The following KIF14 variants were observed in gnomAD, a reference collection of about 807,000 sequenced individuals.
KIF14 encodes the protein kinesin family member 14.
A neutral mutation model predicts 176.2 loss-of-function variants in KIF14; 98 were observed. The ratio of observed to expected loss-of-function variants is 0.56; its 90% CI spans 0.47 to 0.66. The LOEUF (loss-of-function observed/expected upper bound fraction) is 0.66. Among genes scored for constraint, KIF14 ranks in the 30% least tolerant of loss-of-function variants. The pLI, the probability that KIF14 is intolerant of heterozygous loss-of-function variation, is 0.00. For missense variants in KIF14, 1,751 were observed against 1,920.4 expected, an observed-to-expected ratio of 0.91 and a Z score of 1.65; for synonymous variants, 566 against 632.2, an observed-to-expected ratio of 0.90 and a Z score of 1.57.
chr1:200,555,379 C>A lies in KIF14; in HGVS notation c.4428+1G>T. 6.5e-7 allele frequency: 1 copy of A among 1,546,164 alleles called. No homozygotes were observed. The highest frequency in any genetic ancestry group is 8.8e-7 in the Non-Finnish European group (1 of 1,137,730). ...TAAAATCAATTTAAAGCTTCTCTTA[C>A]AATTTTCGATTCAGCAAAGATGTTT... On this transcript the variant is annotated splice_donor_variant, in intron 28 of 29. Coordinates refer to ENST00000367350, the MANE Select transcript of KIF14 (RefSeq NM_014875.3). LOFTEE classifies it high-confidence loss of function.
chr1:200,601,896 C>T lies in KIF14; in HGVS notation c.2152G>A (p.Glu718Lys), dbSNP rs752832850. The T allele has an allele frequency of 6.3e-7, 1 of 1,599,504 alleles. No individual in the cohort carries two copies. The highest frequency in any genetic ancestry group is 1.1e-5 in the South Asian group (1 of 88,350). Residue 718 changes from glutamate to lysine, a missense_variant and splice_region_variant, in exon 11 of 30, where the codon GAA becomes AAA. By Grantham distance (56) the Glu-to-Lys change is moderately conservative. Coordinates refer to ENST00000367350, the MANE Select transcript of KIF14 (RefSeq NM_014875.3). Reference sequence around the variant, plus strand: ...TTTTAAATTCTGAGAAAATATTCACCTCTAATTAACTTAGCGTTCATATCT... The same window carrying T: ...TTTTAAATTCTGAGAAAATATTCACTTCTAATTAACTTAGCGTTCATATCT... ...NEDMNAKLIR[E>K]LKAEIAKLKA...
In KIF14 at chr1:200,601,930, TTTAG is replaced by T; in HGVS notation, c.2114_2117del (p.Ala705GlufsTer2). The T allele has an allele frequency of 6.2e-7, 1 of 1,611,106 alleles. No homozygotes were observed. Among genetic ancestry groups the T allele is most frequent in the Non-Finnish European group, 8.5e-7 (1 of 1,179,000 alleles). On this transcript the variant is annotated frameshift_variant, in exon 11 of 30. Coordinates refer to ENST00000367350, the MANE Select transcript of KIF14 (RefSeq NM_014875.3). LOFTEE classifies it high-confidence loss of function. ...ACTTAGCGTTCATATCTTCATTTAC[TTTAG>T]CAATGTTGACTATTAAACGGGCTTG...
chr1:200,581,753 T>C (rs993864891), intron 19 of KIF14, among the ~76,000 whole-genome samples: 1 of 147,892 alleles, frequency 6.8e-6, no homozygotes, highest in Non-Finnish European at 1.5e-5. Context: ...GTACACAATT[T>C]CACTTTCCTT....
chr1:200,615,294 C>T, intron 3 of KIF14, 61 bp downstream of exon 3: 1 of 1,481,198 alleles, frequency 6.8e-7, no homozygotes, highest in African/African-American at 1.4e-5. Flanking sequence ...CACCCCTATG[C>T]CACTTCTCAC....
At chr1:200,563,406 C>T (rs1226452968) in intron 25 of KIF14, among the ~76,000 whole-genome samples, 2 of 152,052 alleles carry the variant, frequency 1.3e-5, no homozygotes, top group Non-Finnish European at 2.9e-5. Context: ...ACTCTGTCAT[C>T]CAGGCTGGAA....
chr1:200,598,308 T>C lies in KIF14; in HGVS notation c.2478A>G (p.Thr826=), dbSNP rs1440554083. Residue 826 remains threonine (T), a synonymous_variant, in exon 14 of 30, where the codon ACA becomes ACG. Coordinates refer to ENST00000367350, the MANE Select transcript of KIF14 (RefSeq NM_014875.3). The part of the protein sequence containing the change: ...LLYMIKEGTT[T]VGKYKPNSSH... ...TTGAGTTTGGTTTATACTTTCCAAC[T>C]GTAGTTGTTCCTTCTTTTATCATAT... 4 of 1,613,570 alleles carry C rather than the reference T, an allele frequency of 2.5e-6. No homozygotes were observed. In the South Asian group the frequency reaches 4.4e-5, roughly 18 times the overall value.
intron 25 of KIF14, among the ~76,000 whole-genome samples, chr1:200,561,817 G>T (rs1384509362): frequency 6.6e-6 from 1 of 151,986 alleles, no homozygotes; most frequent in Non-Finnish European, 1.5e-5. Context: ...GAAAAAGAAG[G>T]GTGGCTCTTT....
intron 19 of KIF14, among the ~76,000 whole-genome samples, chr1:200,582,566 T>C (rs905470542): frequency 1.3e-5 from 2 of 152,104 alleles, no homozygotes; most frequent in Non-Finnish European, 2.9e-5. Flanking sequence ...ACAAAGAGTA[T>C]TGGCTGGGTG....
chr1:200,598,568 T>C (rs1349395386), intron 13 of KIF14, 147 bp from the exon 14 acceptor site: 1 of 545,114 alleles, frequency 1.8e-6, no homozygotes, highest in African/African-American at 2.0e-5. Context: ...TTTTTATTTT[T>C]ATTTTTTTGA....
intron 25 of KIF14, among the ~76,000 whole-genome samples, chr1:200,563,016 T>G (rs1442450104): frequency 6.6e-6 from 1 of 152,078 alleles, no homozygotes; most frequent in Non-Finnish European, 1.5e-5. Flanking sequence ...ACGGGTGAAG[T>G]TTAGGGTTAT....
At position 200,617,802 on chromosome 1, in the gene KIF14, T is replaced by A; in HGVS notation, c.922A>T (p.Met308Leu). 6.2e-7 allele frequency: 1 copy of A among 1,614,102 alleles called. No individual in the cohort carries two copies. The highest frequency in any genetic ancestry group is 8.5e-7 in the Non-Finnish European group (1 of 1,179,936). The change falls in exon 2 of 30, where the codon ATG becomes TTG. Residue 308 changes from methionine (M) to leucine (L), a missense_variant. Coordinates refer to ENST00000367350, the MANE Select transcript of KIF14 (RefSeq NM_014875.3). ...CTTTGTTTAACTTGAAGGTTAGACATTCTATTCTTCAGTATTGATGGAGCT... is the reference window on the plus strand; with the variant it reads ...CTTTGTTTAACTTGAAGGTTAGACAATCTATTCTTCAGTATTGATGGAGCT... ...SPAPSILKNR[M>L]SNLQVKQRPK... is the part of the protein sequence containing the mutation.
At chr1:200,613,495 T>C (rs1484169356) in intron 4 of KIF14, among the ~76,000 whole-genome samples, 2 of 152,218 alleles carry the variant, frequency 1.3e-5, no homozygotes, top group African/African-American at 2.4e-5. Context: ...TACTTGGCTG[T>C]TAACTTATTT....
chr1:200,554,697 T>A, intron 28 of KIF14, 91 bp from the exon 29 acceptor site: 1 of 671,586 alleles, frequency 1.5e-6, no homozygotes, highest in Non-Finnish European at 2.4e-6. Flanking sequence ...GCCAGAATCT[T>A]CTCTTTAAGA....
At chr1:200,569,142 C>T (rs1651271601) in intron 23 of KIF14, among the ~76,000 whole-genome samples, 1 of 151,980 alleles carries the variant, frequency 6.6e-6, no homozygotes, top group Admixed American at 6.6e-5. Flanking sequence ...TCAGGCTGGT[C>T]TTGAACTCCC....
In KIF14 at chr1:200,554,007, C is replaced by T. The variant is rs12039913; in HGVS notation, c.4568-240G>A. Among the ~76,000 whole-genome samples the T allele has an allele frequency of 3.8e-3, 585 of 152,264 alleles. 20 individuals carry two copies. In the East Asian group the frequency reaches 0.079, roughly 21 times the overall value. On this transcript the variant is annotated intron_variant, in intron 29 of 29. Transcript: ENST00000367350. ...TTAAGTGGGAATTTAATTATAAATA[C>T]AAGTTCCTATATGGGTAACTAATAT...
chr1:200,615,478 G>A lies in KIF14; in HGVS notation c.1244C>T (p.Pro415Leu). Reference protein sequence around the residue: ...VSFWSFDECHPHYASQTTVYE... With the variant: ...VSFWSFDECHLHYASQTTVYE... ...GACAGTTGTCTGGCTAGCGTAGTGA[G>A]GATGACATTCATCAAAAGACCAGAA... Residue 415 changes from proline to leucine, a missense_variant, in exon 3 of 30, where the codon CCT (proline) becomes CTT (leucine). By Grantham distance (98) the Pro-to-Leu change is moderately conservative. Transcript: ENST00000367350. 8.7e-6 allele frequency: 14 copies of A among 1,614,100 alleles called. No individual in the cohort carries two copies. Among genetic ancestry groups the A allele is most frequent in the Non-Finnish European group, 1.2e-5 (14 of 1,179,996 alleles).
intron 3 of KIF14, among the ~76,000 whole-genome samples, chr1:200,614,710 T>C (rs1448904441): frequency 2.4e-4 from 13 of 54,260 alleles, no homozygotes; most frequent in African/African-American, 8.0e-4. Flanking sequence ...AACTCAAATG[T>C]TGGGCAACCC....
Position 200,617,896 on chromosome 1 carries a change from T to C in KIF14, c.828A>G (p.Arg276=), listed in dbSNP as rs774894791. 19 of 1,614,020 alleles carry C rather than the reference T, an allele frequency of 1.2e-5. No individual in the cohort carries two copies. ...GTTCTGTTGTACATTTTGTAGGTGT[T>C]CTTTTTTCTAAGCTCCCAAATTTAT... The part of the protein sequence containing the change: ...TSNKFGSLEK[R]TPTKCTTEHK... The change falls in exon 2 of 30, where the codon AGA becomes AGG. Residue 276 remains arginine (R), a synonymous_variant. Coordinates refer to ENST00000367350, the MANE Select transcript of KIF14 (RefSeq NM_014875.3).
chr1:200,577,682 G>C (rs1162051787), intron 21 of KIF14, among the ~76,000 whole-genome samples: 1 of 151,188 alleles, frequency 6.6e-6, no homozygotes, highest in Non-Finnish European at 1.5e-5. Context: ...GCCTGGCAAC[G>C]GAGTGAGACT....
Sources: allele counts gnomAD v4.1 joint callset (sites outside exome capture counted in the v4.1 genomes callset), GRCh38; gene constraint gnomAD v4.1.1; transcripts MANE v1.5; gene names NCBI Gene and HGNC (gene_info 2026-07-23, HGNC 2026-07-21).